Variants in NXPE2 observed in about 807,000 individuals in gnomAD.
The protein encoded by NXPE2 is NXPE family member 2.
A neutral mutation model predicts 34.4 loss-of-function variants in NXPE2; 34 were observed. The ratio of observed to expected loss-of-function variants is 0.99; its 90% CI spans 0.75 to 1.31. The LOEUF (loss-of-function observed/expected upper bound fraction) is 1.31, where lower values mean the gene tolerates loss of function less well. Among genes scored for constraint, NXPE2 ranks in the 40% most tolerant of loss-of-function variants. NXPE2 has a pLI of 0.00. For missense variants in NXPE2, 649 were observed against 672.5 expected (o/e 0.97, Z 0.39); for synonymous variants, 235 against 231.3 (o/e 1.02, Z -0.15).
At chr11:114,594,861 A>C in the NXPE2 span, 600 of 689,166 alleles carry the variant, frequency 8.7e-4, 2 homozygotes, top group African/African-American at 9.3e-3. Flanking sequence ...TTTTTGGCTC[A>C]TGATTACTTT....
At chr11:114,481,589 A>G in the NXPE2 span, among the ~76,000 whole-genome samples, 1 of 152,304 alleles carries the variant, frequency 6.6e-6, no homozygotes, top group African/African-American at 2.4e-5. Context: ...GATCATATTT[A>G]AGGAAATTCA....
the NXPE2 span, among the ~76,000 whole-genome samples, chr11:114,484,355 T>TG: frequency 0.038 from 5,850 of 152,100 alleles, 147 homozygotes; most frequent in Middle Eastern, 0.082. Flanking sequence ...GTTTGGGATG[T>TG]GGGGGGGTAG....
the NXPE2 span, among the ~76,000 whole-genome samples, chr11:114,495,828 G>A: frequency 6.6e-6 from 1 of 152,110 alleles, no homozygotes; most frequent in Admixed American, 6.6e-5. Flanking sequence ...CTGGACTGGG[G>A]GCTGTAGGAT....
chr11:114,467,948 GAAACAAAA>G, the NXPE2 span, among the ~76,000 whole-genome samples: 10 of 151,308 alleles, frequency 6.6e-5, no homozygotes, highest in Non-Finnish European at 1.0e-4. Context: ...AAAACAAAAC[GAAACAAAA>G]AAACAAAAAA....
chr11:114,536,421 A>G, the NXPE2 span, among the ~76,000 whole-genome samples: 1 of 152,246 alleles, frequency 6.6e-6, no homozygotes, highest in Non-Finnish European at 1.5e-5. Context: ...AAGGCAAGAA[A>G]TAACTAAGAT....
the NXPE2 span, among the ~76,000 whole-genome samples, chr11:114,573,975 C>T: frequency 4.6e-5 from 7 of 152,014 alleles, no homozygotes; most frequent in Admixed American, 3.9e-4. Flanking sequence ...AAACAAGTCT[C>T]AGTAAATTTA....
the NXPE2 span, among the ~76,000 whole-genome samples, chr11:114,802,423 G>T: frequency 1.3e-5 from 2 of 152,188 alleles, no homozygotes; most frequent in African/African-American, 4.8e-5. Context: ...ATATCCTACA[G>T]AAGATCACTG....
At chr11:114,736,214 G>A in the NXPE2 span, among the ~76,000 whole-genome samples, 2 of 152,200 alleles carry the variant, frequency 1.3e-5, no homozygotes, top group African/African-American at 4.8e-5. Context: ...TCAGGAGACA[G>A]GGTTTGAGAG....
chr11:114,471,441 G>T, the NXPE2 span, among the ~76,000 whole-genome samples: 1 of 152,082 alleles, frequency 6.6e-6, no homozygotes, highest in African/African-American at 2.4e-5. Flanking sequence ...ATAAATAACA[G>T]AATTAATAAT....
chr11:114,773,383 A>AC, the NXPE2 span, among the ~76,000 whole-genome samples: 3 of 148,726 alleles, frequency 2.0e-5, no homozygotes, highest in East Asian at 6.0e-4. Context: ...CCAGATAAGA[A>AC]CCCCCCGCCC....
the NXPE2 span, among the ~76,000 whole-genome samples, chr11:114,808,089 G>A: frequency 5.7e-4 from 87 of 152,174 alleles, no homozygotes; most frequent in Non-Finnish European, 1.0e-3. Flanking sequence ...GCTCCTGAAC[G>A]ACTACTGGGT....
At chr11:114,680,088 G>A (rs1204689163) in intron 2 of NXPE2, among the ~76,000 whole-genome samples, 1 of 152,040 alleles carries the variant, frequency 6.6e-6, no homozygotes, top group Non-Finnish European at 1.5e-5. Context: ...AACTAATTAA[G>A]TTTCTGTTTC....
At chr11:114,686,886 T>G (rs2135541626) in intron 2 of NXPE2, among the ~76,000 whole-genome samples, 1 of 152,244 alleles carries the variant, frequency 6.6e-6, no homozygotes, top group South Asian at 2.1e-4. Context: ...TGAGCATTTC[T>G]TATGTTTGTT....
At chr11:114,740,031 C>A in the NXPE2 span, among the ~76,000 whole-genome samples, 1 of 136,830 alleles carries the variant, frequency 7.3e-6, no homozygotes, top group Non-Finnish European at 1.6e-5. Context: ...TAGTACCAAA[C>A]ACTATATATA....
chr11:114,683,186 C>G (rs1312671104), intron 2 of NXPE2, among the ~76,000 whole-genome samples: 1 of 151,976 alleles, frequency 6.6e-6, no homozygotes, highest in Non-Finnish European at 1.5e-5. Context: ...CTTATTGTCA[C>G]TTACACAGGC....
At chr11:114,675,179 A>G (rs531566156), upstream of NXPE2, among the ~76,000 whole-genome samples, 1 of 151,966 alleles carries the variant, frequency 6.6e-6, no homozygotes, top group South Asian at 2.1e-4. Context: ...AATAAACACT[A>G]TATATGACAA....
At chr11:114,671,050 AAAATATAAATATATACAT>A in the NXPE2 span, among the ~76,000 whole-genome samples, 6 of 148,066 alleles carry the variant, frequency 4.1e-5, no homozygotes, top group African/African-American at 1.5e-4. Context: ...TATATATATA[AAAATATAAATATATACAT>A]AAATATAAAT....
At chr11:114,676,349 C>G (rs557456096), upstream of NXPE2, among the ~76,000 whole-genome samples, 3 of 151,592 alleles carry the variant, frequency 2.0e-5, no homozygotes, top group South Asian at 4.2e-4. Flanking sequence ...CATTTGCAAA[C>G]CATACATCTG....
At chr11:114,771,771 T>A in the NXPE2 span, among the ~76,000 whole-genome samples, 1 of 152,282 alleles carries the variant, frequency 6.6e-6, no homozygotes, top group African/African-American at 2.4e-5. Context: ...CTTTCCATTG[T>A]GGCCTTAGCC....
Sources: allele counts gnomAD v4.1 joint callset (sites outside exome capture counted in the v4.1 genomes callset), GRCh38; gene constraint gnomAD v4.1.1; transcripts MANE v1.5; gene names NCBI Gene and HGNC (gene_info 2026-07-23, HGNC 2026-07-21).